TRPC7: variants seen among roughly 807,000 people sequenced by gnomAD.
The protein encoded by TRPC7 is transient receptor potential cation channel subfamily C member 7, also known as short transient receptor potential channel 7.
A neutral mutation model predicts 90.1 loss-of-function variants in TRPC7; 42 were observed. The ratio of observed to expected loss-of-function variants is 0.47; its 90% CI spans 0.36 to 0.60. TRPC7 has a LOEUF of 0.60. TRPC7 is among the 20% of genes least tolerant of loss of function. The pLI, the probability that TRPC7 is intolerant of heterozygous loss-of-function variation, is 0.00. For missense variants in TRPC7, 955 were observed against 1,112.3 expected, an observed-to-expected ratio of 0.86 and a Z score of 2.01; for synonymous variants, 451 against 436.3, an observed-to-expected ratio of 1.03 and a Z score of -0.42.
At chr5:136,342,647 G>C (rs778941620) in intron 2 of TRPC7, among the ~76,000 whole-genome samples, 9 of 152,164 alleles carry the variant, frequency 5.9e-5, no homozygotes, top group Non-Finnish European at 1.3e-4. Context: ...ACACTGGATT[G>C]TGAGATTTGG....
chr5:136,269,794 T>C (rs985262044), intron 4 of TRPC7, among the ~76,000 whole-genome samples: 18 of 152,168 alleles, frequency 1.2e-4, no homozygotes, highest in Non-Finnish European at 2.9e-5. Context: ...TTATTCAAAA[T>C]GTCTAACATA....
intron 2 of TRPC7, among the ~76,000 whole-genome samples, chr5:136,354,174 A>G (rs1451856082): frequency 6.6e-6 from 1 of 152,252 alleles, no homozygotes; most frequent in Admixed American, 6.5e-5. Context: ...AGAATAGGTC[A>G]GAAGACTGAG....
intron 1 of TRPC7, among the ~76,000 whole-genome samples, chr5:136,360,403 G>T (rs1033328461): frequency 6.6e-6 from 1 of 152,138 alleles, no homozygotes; most frequent in Admixed American, 6.5e-5. Flanking sequence ...CTAAGACTTT[G>T]GACAAATAAT....
At chr5:136,342,131 C>T (rs375860489) in intron 2 of TRPC7, among the ~76,000 whole-genome samples, 2 of 152,132 alleles carry the variant, frequency 1.3e-5, no homozygotes, top group African/African-American at 4.8e-5. Flanking sequence ...TTTTCACAGG[C>T]CTTTTAAGTG....
At position 136,315,611 on chromosome 5, in the gene TRPC7, A is replaced by G. The variant is rs1758989600; in HGVS notation, c.949T>C (p.Tyr317His). The change falls in exon 3 of 12, where the codon TAT becomes CAT. Residue 317 changes from tyrosine to histidine, a missense_variant. Around this residue, in one of 4 missense-constraint regions of TRPC7, gnomAD observed 484 missense variants for 509.6 expected, o/e 0.95. Transcript: ENST00000513104. ...GGGGAGCTTACCTTCTTGACTTCAT[A>G]TTTAATGGCGAGTTTGATCCGGCTC... ...SLSRIKLAIK[Y>H]EVKKFVAHPN... The G allele has an allele frequency of 3.1e-6, 5 of 1,613,772 alleles. No homozygotes were observed. The Admixed American group carries it at 8.3e-5, about 27-fold the overall frequency.
rs1755256402 is a variant in TRPC7 at position 136,216,057 on chromosome 5, C to T, written c.2419+143G>A. 3 of 683,876 alleles carry T rather than the reference C, an allele frequency of 4.4e-6. No individual in the cohort carries two copies. In the African/African-American group the frequency reaches 5.4e-5, roughly 12 times the overall value. The allele number at this position is 683,876 out of a possible 1,614,324, so 42.4% of individuals were successfully genotyped here. A position where few individuals can be genotyped will look rare whatever the true frequency, so the allele number is the denominator to read the frequency against. The stretch of plus-strand genomic sequence containing the variant: ...CCGTGGAAATGCACTCTGCCGACAA[C>T]TGAATGAGCAAGGAGACTGAGCCTC... On this transcript the variant is annotated intron_variant, in intron 11 of 11. Coordinates refer to ENST00000513104, the MANE Select transcript of TRPC7 (RefSeq NM_020389.3).
At chr5:136,304,186 C>T (rs1023459679) in intron 3 of TRPC7, among the ~76,000 whole-genome samples, 1 of 151,632 alleles carries the variant, frequency 6.6e-6, no homozygotes, top group Non-Finnish European at 1.5e-5. Flanking sequence ...CCTCTTGTAT[C>T]CCCTCACCTT....
intron 3 of TRPC7, among the ~76,000 whole-genome samples, chr5:136,290,996 G>T (rs573347592): frequency 2.0e-5 from 3 of 152,166 alleles, no homozygotes; most frequent in South Asian, 2.1e-4. Flanking sequence ...TCAACATTCT[G>T]AAAGAAAAGA....
At chr5:136,360,020 G>A (rs189549922) in intron 1 of TRPC7, among the ~76,000 whole-genome samples, 23 of 152,212 alleles carry the variant, frequency 1.5e-4, no homozygotes, top group East Asian at 1.2e-3. Context: ...TTGATTCCAC[G>A]GCACTTTTCC....
chr5:136,282,052 G>A (rs914677724), intron 3 of TRPC7, among the ~76,000 whole-genome samples: 5 of 152,170 alleles, frequency 3.3e-5, no homozygotes, highest in Non-Finnish European at 7.4e-5. Flanking sequence ...TTATCAACAA[G>A]TAGAACATAC....
rs1213456863 is a variant in TRPC7 at position 136,266,448 on chromosome 5, A to G, written c.1129-12T>C. On this transcript the variant is annotated splice_polypyrimidine_tract_variant and intron_variant, in intron 4 of 11. Coordinates refer to ENST00000513104, the MANE Select transcript of TRPC7 (RefSeq NM_020389.3). ...AGGGTTCGTCCTAGCTGGAAAGAAA[A>G]TGTGTTCAAGACATGTTAAACTGTC... The G allele has an allele frequency of 1.9e-6, 3 of 1,610,040 alleles. No homozygotes were observed. Among genetic ancestry groups the G allele is most frequent in the Non-Finnish European group, 2.5e-6 (3 of 1,177,372 alleles).
intron 5 of TRPC7, among the ~76,000 whole-genome samples, chr5:136,253,101 A>G (rs1756576812): frequency 6.6e-6 from 1 of 152,394 alleles, no homozygotes; most frequent in South Asian, 2.1e-4. Context: ...AAAGTATCTC[A>G]TTAATAATTT....
chr5:136,247,960 C>T lies in TRPC7; in HGVS notation c.1580-225G>A, dbSNP rs1403536787. Among the ~76,000 whole-genome samples, 1 of 152,158 alleles carries T rather than the reference C, an allele frequency of 6.6e-6. No homozygotes were observed. The highest frequency in any genetic ancestry group is 2.4e-5 in the African/African-American group (1 of 41,436). On this transcript the variant is annotated intron_variant, in intron 6 of 11. Transcript: ENST00000513104. The surrounding 1 kb of genome is among the most constrained non-coding windows in gnomAD (Gnocchi z 4.2). ...TTCGAAGTATGATTCATTCCTAATC[C>T]TCCTCTAAGACTCTGCTCAGGCATC... is the stretch of plus-strand genomic sequence containing the variant.
At chr5:136,345,486 G>A (rs1014768392) in intron 2 of TRPC7, among the ~76,000 whole-genome samples, 4 of 152,062 alleles carry the variant, frequency 2.6e-5, no homozygotes, top group Non-Finnish European at 5.9e-5. Context: ...ATTTGAACCT[G>A]GAAGGTGGTG....
intron 2 of TRPC7, among the ~76,000 whole-genome samples, chr5:136,341,934 C>G (rs1338023163): frequency 6.6e-6 from 1 of 152,162 alleles, no homozygotes; most frequent in Non-Finnish European, 1.5e-5. Context: ...GTTTTAAGAA[C>G]AAGTCTCTGA....
chr5:136,293,593 G>A (rs545351066), intron 3 of TRPC7, among the ~76,000 whole-genome samples: 1 of 152,232 alleles, frequency 6.6e-6, no homozygotes, highest in South Asian at 2.1e-4. Flanking sequence ...GGGATGTGAA[G>A]GACCTCTTCA....
intron 2 of TRPC7, among the ~76,000 whole-genome samples, chr5:136,332,662 A>AAAACAAAC (rs139446184): frequency 1.3e-5 from 2 of 152,170 alleles, no homozygotes; most frequent in Non-Finnish European, 2.9e-5. Context: ...AAGTAAGGAA[A>AAAACAAAC]AAACAAACAA....
chr5:136,250,507 T>C (rs1756485838), intron 6 of TRPC7, among the ~76,000 whole-genome samples: 1 of 152,240 alleles, frequency 6.6e-6, no homozygotes, highest in African/African-American at 2.4e-5. Context: ...GTATCTACTG[T>C]TCCTTCAACT....
intron 2 of TRPC7, among the ~76,000 whole-genome samples, chr5:136,353,556 T>C (rs1406812382): frequency 6.6e-6 from 1 of 152,192 alleles, no homozygotes; most frequent in Non-Finnish European, 1.5e-5. Flanking sequence ...ATTTTCTTTT[T>C]TATTACAATT....
Sources: allele counts gnomAD v4.1 joint callset (sites outside exome capture counted in the v4.1 genomes callset), GRCh38; gene constraint gnomAD v4.1.1; regional missense constraint gnomAD v4.1.1; non-coding constraint Gnocchi (gnomAD v3.1); transcripts MANE v1.5; gene names NCBI Gene and HGNC (gene_info 2026-07-23, HGNC 2026-07-21).